Variants in PHACTR3 observed in about 807,000 individuals in gnomAD.
PHACTR3 encodes protein phosphatase 1, regulatory subunit 123.
PHACTR3 carries 16 observed loss-of-function variants against 66.8 expected under a neutral mutation model. The ratio of observed to expected loss-of-function variants is 0.24; its 90% CI spans 0.16 to 0.36. PHACTR3 has a LOEUF of 0.36. Among genes scored for constraint, PHACTR3 ranks in the 10% least tolerant of loss-of-function variants. The probability of loss-of-function intolerance (pLI) is 1.00; values close to 1 mark genes in which losing one functional copy is unlikely to be tolerated. For missense variants in PHACTR3, 647 were observed against 719.9 expected, an observed-to-expected ratio of 0.90 and a Z score of 1.16; for synonymous variants, 323 against 292.1, an observed-to-expected ratio of 1.11 and a Z score of -1.08.
chr20:59,604,945 G>C lies in PHACTR3; in HGVS notation c.-70G>C. On this transcript the variant is annotated 5_prime_UTR_variant, in exon 1 of 13. Coordinates refer to ENST00000371015, the MANE Select transcript of PHACTR3 (RefSeq NM_080672.5). ...CGCCCCCTCCAGCCCCCTCGCCGGT[G>C]ACCTTGGCCGCCTCGGATGCTCTGA... 8.2e-7 allele frequency: 1 copy of C among 1,214,482 alleles called. No homozygotes were observed. The highest frequency in any genetic ancestry group is 4.0e-5 in the South Asian group (1 of 24,832). The allele number at this position is 1,214,482 out of a possible 1,614,324, so 75.2% of individuals were successfully genotyped here. A position where few individuals can be genotyped will look rare whatever the true frequency, so the allele number is the denominator to read the frequency against.
chr20:59,711,724 C>A (rs935114839), intron 1 of PHACTR3, among the ~76,000 whole-genome samples: 1 of 152,042 alleles, frequency 6.6e-6, no homozygotes, highest in African/African-American at 2.4e-5. Flanking sequence ...CTGTTTACCC[C>A]GTCAAAATTG....
intron 7 of PHACTR3, among the ~76,000 whole-genome samples, chr20:59,781,357 G>A (rs535951769): frequency 2.7e-4 from 41 of 152,332 alleles, no homozygotes; most frequent in African/African-American, 8.4e-4. Context: ...TGAGCCACCC[G>A]TCCCAGACCA....
At chr20:59,725,389 G>A (rs552883205) in intron 1 of PHACTR3, among the ~76,000 whole-genome samples, 1 of 152,054 alleles carries the variant, frequency 6.6e-6, no homozygotes, top group African/African-American at 2.4e-5. Context: ...CACCGAGGCT[G>A]TGAGCCCAGA....
chr20:59,637,979 C>CT (rs2034955585), intron 1 of PHACTR3, among the ~76,000 whole-genome samples: 1 of 152,172 alleles, frequency 6.6e-6, no homozygotes, highest in Admixed American at 6.5e-5. Flanking sequence ...CATGAGGAAA[C>CT]TAAAGCTCAG....
At chr20:59,737,900 A>C (rs1165788304) in intron 1 of PHACTR3, among the ~76,000 whole-genome samples, 4 of 152,154 alleles carry the variant, frequency 2.6e-5, no homozygotes, top group African/African-American at 9.7e-5. Flanking sequence ...TCAGTGGCCA[A>C]AGTGCTCCCT....
At position 59,737,201 on chromosome 20, in the gene PHACTR3, C is replaced by T. The variant is rs148177119; in HGVS notation, c.119-5906C>T. On this transcript the variant is annotated intron_variant, in intron 1 of 12. Transcript: ENST00000371015. Reference sequence around the variant, plus strand: ...GCCCCTGTCCTGTTCCCCACTGGGGCGGCCCTCTGGAGCACCCAGTGCTGA... The same window carrying T: ...GCCCCTGTCCTGTTCCCCACTGGGGTGGCCCTCTGGAGCACCCAGTGCTGA... 1.3e-3 allele frequency among the ~76,000 whole-genome samples: 199 copies of T among 152,252 alleles called. 2 individuals carry two copies. Among genetic ancestry groups the T allele is most frequent in the Admixed American group, 0.011 (171 of 15,300 alleles).
chr20:59,614,138 T>C (rs2033947739), intron 1 of PHACTR3, among the ~76,000 whole-genome samples: 1 of 152,160 alleles, frequency 6.6e-6, no homozygotes, highest in South Asian at 2.1e-4. Context: ...CCCATCCCTA[T>C]CTGCACCACC....
chr20:59,725,611 A>G (rs2038533925), intron 1 of PHACTR3, among the ~76,000 whole-genome samples: 1 of 152,172 alleles, frequency 6.6e-6, no homozygotes, highest in South Asian at 2.1e-4. Context: ...CAAGTAATTT[A>G]TAAGAAAGCT....
intron 3 of PHACTR3, among the ~76,000 whole-genome samples, chr20:59,750,698 G>A (rs1365434541): frequency 6.6e-6 from 1 of 152,170 alleles, no homozygotes; most frequent in African/African-American, 2.4e-5. Context: ...TCTGCGAGGA[G>A]CCCGAGTGTC....
chr20:59,826,217 C>A (rs1426060092), intron 8 of PHACTR3, among the ~76,000 whole-genome samples: 1 of 151,858 alleles, frequency 6.6e-6, no homozygotes, highest in African/African-American at 2.4e-5. Flanking sequence ...GAGGGGTGCT[C>A]AGGGGCTTCG....
At chr20:59,577,550 C>G in exon 1 of PHACTR3, 1 of 1,189,582 alleles carries the variant, frequency 8.4e-7, no homozygotes, top group Non-Finnish European at 1.0e-6. Flanking sequence ...GTCCTGCGCC[C>G]CTGCGCTCGC....
upstream of PHACTR3, chr20:59,604,515 A>C (rs2033586993): frequency 1.6e-6 from 1 of 611,872 alleles, no homozygotes; most frequent in Non-Finnish European, 2.0e-6. Flanking sequence ...AATGTTTTCC[A>C]ACAGATGCTC....
At chr20:59,811,434 A>G (rs1600698662) in intron 8 of PHACTR3, among the ~76,000 whole-genome samples, 1 of 152,106 alleles carries the variant, frequency 6.6e-6, no homozygotes, top group Non-Finnish European at 1.5e-5. Flanking sequence ...TGAGGCAGGC[A>G]GATCACTTGA....
intron 1 of PHACTR3, among the ~76,000 whole-genome samples, chr20:59,672,949 G>A (rs913318817): frequency 1.3e-5 from 2 of 152,206 alleles, no homozygotes; most frequent in African/African-American, 4.8e-5. Flanking sequence ...TGGGGTTGGT[G>A]AAGAGGGAAG....
At chr20:59,720,111 A>G (rs1358166426) in intron 1 of PHACTR3, among the ~76,000 whole-genome samples, 1 of 152,180 alleles carries the variant, frequency 6.6e-6, no homozygotes, top group African/African-American at 2.4e-5. Flanking sequence ...AAAACGAGGA[A>G]GGGGCACCGT....
At chr20:59,775,608 C>T (rs2040511001) in intron 7 of PHACTR3, among the ~76,000 whole-genome samples, 2 of 152,004 alleles carry the variant, frequency 1.3e-5, no homozygotes, top group African/African-American at 2.4e-5. Context: ...GTCACCTGTG[C>T]GTTTGGAGGA....
intron 12 of PHACTR3, 105 bp from the exon 13 acceptor site, chr20:59,847,010 G>A (rs2059163429): frequency 1.3e-6 from 1 of 781,898 alleles, no homozygotes; most frequent in Non-Finnish European, 2.1e-6. Context: ...TGGGACTTCT[G>A]AGAATCTTTT....
chr20:59,620,609 G>A (rs1032415899), intron 1 of PHACTR3, among the ~76,000 whole-genome samples: 1 of 152,166 alleles, frequency 6.6e-6, no homozygotes, highest in Non-Finnish European at 1.5e-5. Flanking sequence ...CCCCATAAGC[G>A]ATGTCGCTGG....
chr20:59,714,143 T>C (rs530672928), intron 1 of PHACTR3, among the ~76,000 whole-genome samples: 29 of 152,358 alleles, frequency 1.9e-4, no homozygotes, highest in Non-Finnish European at 4.0e-4. Flanking sequence ...GAGTCTTTGG[T>C]TGAAGTTCCT....
Sources: gnomAD v4.1 joint callset for allele counts (sites outside exome capture counted in the v4.1 genomes callset) on GRCh38, gnomAD v4.1.1 for gene constraint, MANE v1.5 for transcripts, NCBI Gene and HGNC (gene_info 2026-07-23, HGNC 2026-07-21) for gene names.